Variants in OR2L13 observed in about 807,000 individuals in gnomAD.
OR2L13 encodes olfactory receptor 2L13.
Under a neutral mutation model 15.3 loss-of-function variants are expected in OR2L13, and 14 were observed. The observed-to-expected ratio is 0.91, with a 90% CI of 0.60 to 1.43. The LOEUF (loss-of-function observed/expected upper bound fraction) is 1.43. OR2L13 is among the 40% of genes most tolerant of loss of function. The pLI is 0.00. For missense variants in OR2L13, 367 were observed against 387.9 expected, an observed-to-expected ratio of 0.95 and a Z score of 0.45; for synonymous variants, 152 against 142.9, an observed-to-expected ratio of 1.06 and a Z score of -0.45.
At chr1:247,941,657 G>A in the OR2L13 span, among the ~76,000 whole-genome samples, 1 of 151,216 alleles carries the variant, frequency 6.6e-6, no homozygotes, top group African/African-American at 2.4e-5. Context: ...GAGAGAGAGA[G>A]ACCTTGTCAT....
the OR2L13 span, among the ~76,000 whole-genome samples, chr1:247,957,023 A>G: frequency 9.3e-4 from 142 of 152,282 alleles, no homozygotes; most frequent in African/African-American, 3.2e-3. Flanking sequence ...GTCTTGTGCC[A>G]GTTTTCAAAG....
At chr1:248,068,665 C>T in the OR2L13 span, among the ~76,000 whole-genome samples, 5 of 152,180 alleles carry the variant, frequency 3.3e-5, no homozygotes, top group South Asian at 2.1e-4. Context: ...TTCAGACGAT[C>T]AAACTACTCC....
At chr1:248,098,895 A>C (rs1322835561) in intron 2 of OR2L13, 120 bp downstream of exon 2, 1 of 153,934 alleles carries the variant, frequency 6.5e-6, no homozygotes, top group Non-Finnish European at 1.4e-5. Flanking sequence ...AGAGATTCTA[A>C]AAGTCATAAA....
the OR2L13 span, chr1:248,061,500 G>A: frequency 6.2e-7 from 1 of 1,613,742 alleles, no homozygotes; most frequent in Admixed American, 1.7e-5. Flanking sequence ...ACAAGGTTCT[G>A]GCTGTCTTCT....
At chr1:247,993,750 A>G in the OR2L13 span, among the ~76,000 whole-genome samples, 825 of 131,900 alleles carry the variant, frequency 6.3e-3, 13 homozygotes, top group Non-Finnish European at 9.0e-3. Flanking sequence ...ATGGAAAGAG[A>G]CAGAGAGAGG....
At chr1:247,952,701 G>A in the OR2L13 span, among the ~76,000 whole-genome samples, 1 of 152,096 alleles carries the variant, frequency 6.6e-6, no homozygotes, top group Non-Finnish European at 1.5e-5. Flanking sequence ...AATGTCTGCT[G>A]TTTTTGTTAA....
At chr1:248,038,999 C>G in the OR2L13 span, 1 of 1,614,156 alleles carries the variant, frequency 6.2e-7, no homozygotes, top group Non-Finnish European at 8.5e-7. Flanking sequence ...GCACCCACCT[C>G]ACTGTAGTGT....
At chr1:247,959,668 C>T in the OR2L13 span, among the ~76,000 whole-genome samples, 2 of 152,108 alleles carry the variant, frequency 1.3e-5, no homozygotes, top group African/African-American at 4.8e-5. Context: ...CTCTAAACTT[C>T]TCTTCTCACT....
At chr1:247,961,533 G>C in the OR2L13 span, among the ~76,000 whole-genome samples, 3 of 152,160 alleles carry the variant, frequency 2.0e-5, no homozygotes, top group Non-Finnish European at 4.4e-5. Context: ...CTAGATTCAA[G>C]GAAGGCAAAG....
chr1:247,975,815 C>T, the OR2L13 span, among the ~76,000 whole-genome samples: 3,542 of 152,156 alleles, frequency 0.023, 124 homozygotes, highest in African/African-American at 0.081. Flanking sequence ...ATTGCATATT[C>T]TAAGACATCT....
chr1:248,052,672 A>G, the OR2L13 span, among the ~76,000 whole-genome samples: 1 of 152,142 alleles, frequency 6.6e-6, no homozygotes, highest in Non-Finnish European at 1.5e-5. Context: ...TGGAGCTTGT[A>G]GTCACCTGAG....
the OR2L13 span, among the ~76,000 whole-genome samples, chr1:248,055,541 A>G: frequency 6.6e-6 from 1 of 152,166 alleles, no homozygotes; most frequent in African/African-American, 2.4e-5. Context: ...GGATCAACAG[A>G]AGTCTGGAGT....
the OR2L13 span, among the ~76,000 whole-genome samples, chr1:247,959,697 A>C: frequency 6.6e-6 from 1 of 152,110 alleles, no homozygotes; most frequent in South Asian, 2.1e-4. Context: ...TTCATTTGAT[A>C]TTCCATCACT....
At chr1:247,966,873 GTTTTC>G in the OR2L13 span, among the ~76,000 whole-genome samples, 1 of 152,138 alleles carries the variant, frequency 6.6e-6, no homozygotes. Context: ...AGAAATTGCT[GTTTTC>G]TTATCTTGAG....
At chr1:247,964,464 T>C in the OR2L13 span, among the ~76,000 whole-genome samples, 1 of 152,186 alleles carries the variant, frequency 6.6e-6, no homozygotes, top group Non-Finnish European at 1.5e-5. Flanking sequence ...TGCACTCTAT[T>C]GGAAGACTTT....
chr1:248,026,417 A>T, the OR2L13 span, among the ~76,000 whole-genome samples: 2 of 152,212 alleles, frequency 1.3e-5, no homozygotes, highest in Admixed American at 1.3e-4. Context: ...CCTGGAGAGA[A>T]TCCCAAGTAT....
the OR2L13 span, among the ~76,000 whole-genome samples, chr1:248,072,787 AAAAC>A: frequency 6.6e-6 from 1 of 151,858 alleles, no homozygotes; most frequent in Non-Finnish European, 1.5e-5. Context: ...CAAGAAAAAA[AAAAC>A]AACCCCATCA....
At chr1:247,998,601 C>G in the OR2L13 span, among the ~76,000 whole-genome samples, 1 of 151,970 alleles carries the variant, frequency 6.6e-6, no homozygotes, top group Non-Finnish European at 1.5e-5. Context: ...TGCATAAAAA[C>G]GTTAAAAGGG....
the OR2L13 span, among the ~76,000 whole-genome samples, chr1:247,974,276 G>A: frequency 6.6e-6 from 1 of 151,984 alleles, no homozygotes; most frequent in Admixed American, 6.6e-5. Flanking sequence ...TTTGTGGGGG[G>A]GCCAAGAGGA....
Sources: allele counts gnomAD v4.1 joint callset (sites outside exome capture counted in the v4.1 genomes callset), GRCh38; gene constraint gnomAD v4.1.1; transcripts MANE v1.5; gene names NCBI Gene and HGNC (gene_info 2026-07-23, HGNC 2026-07-21).